The following C13orf42 variants were observed in gnomAD, a reference collection of about 807,000 sequenced individuals.
C13orf42 encodes the protein chromosome 13 open reading frame 42.
chr13:51,107,170 A>AG (rs1953366838), intron 1 of C13orf42, among the ~76,000 whole-genome samples: 1 of 152,166 alleles, frequency 6.6e-6, no homozygotes, highest in African/African-American at 2.4e-5. Context: ...GGCTGGGGTA[A>AG]CAGACCATTT....
chr13:51,138,992 G>A (rs977505460), intron 1 of C13orf42, among the ~76,000 whole-genome samples: 1 of 152,188 alleles, frequency 6.6e-6, no homozygotes, highest in Admixed American at 6.5e-5. Flanking sequence ...GACAAATACT[G>A]TATGATTTCC....
In C13orf42 at chr13:51,085,420, C is replaced by T. The variant is rs1312133804; in HGVS notation, c.702G>A (p.Val234=). The T allele has an allele frequency of 5.0e-6, 2 of 398,508 alleles. No homozygotes were observed. The highest frequency in any genetic ancestry group is 8.8e-6 in the Non-Finnish European group (2 of 226,088). The allele number at this position is 398,508 out of a possible 1,614,324, so 24.7% of individuals were successfully genotyped here. Reference sequence around the variant, plus strand: ...GCCTCTCGAGTCTCCTCTGAGTGCCCACGGTCCTGTGCTCGGTGCTCCTTC... The same window carrying T: ...GCCTCTCGAGTCTCCTCTGAGTGCCTACGGTCCTGTGCTCGGTGCTCCTTC... The part of the protein sequence containing the change: ...QFRRSTEHRT[V]GTQRRLERHP... Residue 234 remains valine, a synonymous_variant, in exon 3 of 4, where the codon GTG becomes GTA. Coordinates refer to ENST00000563710, the MANE Select transcript of C13orf42 (RefSeq NM_001351589.3).
chr13:51,086,482 G>A (rs539781619), intron 2 of C13orf42, among the ~76,000 whole-genome samples: 9 of 151,296 alleles, frequency 5.9e-5, no homozygotes, highest in African/African-American at 2.2e-4. Context: ...GAGAGTGTGT[G>A]TGTGTAAGAG....
At chr13:51,106,016 A>G (rs2137997005) in intron 1 of C13orf42, among the ~76,000 whole-genome samples, 1 of 152,308 alleles carries the variant, frequency 6.6e-6, no homozygotes, top group East Asian at 1.9e-4. Flanking sequence ...TGAAGTTCCG[A>G]TTGTAGCTGT....
intron 1 of C13orf42, among the ~76,000 whole-genome samples, chr13:51,138,874 T>C (rs555080102): frequency 7.2e-5 from 11 of 152,220 alleles, no homozygotes; most frequent in Non-Finnish European, 1.3e-4. Context: ...TGAATATATA[T>C]ACACATATAT....
intron 1 of C13orf42, among the ~76,000 whole-genome samples, chr13:51,171,377 A>T (rs1337107952): frequency 6.6e-6 from 1 of 152,140 alleles, no homozygotes; most frequent in African/African-American, 2.4e-5. Context: ...ACGTCCAGGC[A>T]TTCTTTTACA....
intron 1 of C13orf42, among the ~76,000 whole-genome samples, chr13:51,171,163 C>T (rs1478645640): frequency 6.6e-6 from 1 of 152,086 alleles, no homozygotes; most frequent in Non-Finnish European, 1.5e-5. Flanking sequence ...CCTCCCTTAG[C>T]CTGTGTTCTC....
chr13:51,160,976 AAC>A, intron 1 of C13orf42, among the ~76,000 whole-genome samples: 2 of 150,620 alleles, frequency 1.3e-5, no homozygotes, highest in Non-Finnish European at 3.0e-5. Context: ...AAAAAAAAAA[AAC>A]AAAAAACTGC....
chr13:51,171,854 A>C (rs1452870589), intron 1 of C13orf42: 1 of 152,160 alleles, frequency 6.6e-6, no homozygotes, highest in African/African-American at 2.4e-5. Context: ...TTACAGCCCT[A>C]GACCCTAAAA....
At chr13:51,107,782 C>G (rs976079757) in intron 1 of C13orf42, among the ~76,000 whole-genome samples, 2 of 152,222 alleles carry the variant, frequency 1.3e-5, no homozygotes, top group Non-Finnish European at 1.5e-5. Context: ...TTCAAGCTCA[C>G]CAAGTTCACT....
intron 1 of C13orf42, among the ~76,000 whole-genome samples, chr13:51,116,532 C>T (rs767428625): frequency 6.6e-6 from 1 of 152,196 alleles, no homozygotes; most frequent in Non-Finnish European, 1.5e-5. Context: ...TGCCTGGGTA[C>T]AGTGTACAAC....
chr13:51,153,833 C>A lies in C13orf42; in HGVS notation n.136+18420G>T, dbSNP rs1953804819. Reference sequence around the variant, plus strand: ...ATGTTTAGTAGAGAAAGGATTTCGCCATGTTGTCCAGGCGGGTCTCAGACT... The same window carrying A: ...ATGTTTAGTAGAGAAAGGATTTCGCAATGTTGTCCAGGCGGGTCTCAGACT... On this transcript the variant is annotated intron_variant and non_coding_transcript_variant, in intron 1 of 4. Transcript: ENST00000433280. 1.3e-5 allele frequency among the ~76,000 whole-genome samples: 2 copies of A among 151,850 alleles called. 1 individual carries two copies. The highest frequency in any genetic ancestry group is 2.9e-5 in the Non-Finnish European group (2 of 67,974).
intron 1 of C13orf42, among the ~76,000 whole-genome samples, chr13:51,092,513 A>AT (rs1185475296): frequency 1.3e-5 from 2 of 151,974 alleles, no homozygotes; most frequent in African/African-American, 4.8e-5. Flanking sequence ...ATAATTTATA[A>AT]TTTTTTTCAA....
chr13:51,108,541 G>C (rs1266856881), intron 1 of C13orf42, among the ~76,000 whole-genome samples: 1 of 152,188 alleles, frequency 6.6e-6, no homozygotes, highest in Non-Finnish European at 1.5e-5. Flanking sequence ...CAGAGCCATG[G>C]GGAAAGACAG....
chr13:51,137,571 T>C (rs1953666882), intron 1 of C13orf42, among the ~76,000 whole-genome samples: 1 of 152,164 alleles, frequency 6.6e-6, no homozygotes, highest in South Asian at 2.1e-4. Flanking sequence ...TCCCACTCTC[T>C]GGAGCCCCAG....
intron 1 of C13orf42, among the ~76,000 whole-genome samples, chr13:51,156,973 G>A (rs1282073934): frequency 6.6e-6 from 1 of 152,210 alleles, no homozygotes; most frequent in African/African-American, 2.4e-5. Context: ...CACTAGTGGT[G>A]CTTTTTCTAT....
At chr13:51,154,067 G>A (rs767537070) in intron 1 of C13orf42, among the ~76,000 whole-genome samples, 28 of 152,126 alleles carry the variant, frequency 1.8e-4, no homozygotes, top group Middle Eastern at 3.4e-3. Context: ...ACTCCGGTAC[G>A]TCACACAAGT....
chr13:51,085,453 G>A lies in C13orf42; in HGVS notation c.669C>T (p.Gly223=). Residue 223 remains glycine (G), a synonymous_variant, in exon 3 of 4, where the codon GGC becomes GGT. Transcript: ENST00000563710. ...TGTGCTCGGTGCTCCTTCGAAACTG[G>A]CCGTCTACAGTATGCACAGTGTGGG... ...IAAHTVHTVD[G]QFRRSTEHRT... is the part of the protein sequence containing the mutation. 2.5e-6 allele frequency: 1 copy of A among 398,604 alleles called. No homozygotes were observed. 24.7% of individuals were successfully genotyped at this position (398,604 alleles called of 1,614,324 possible).
chr13:51,142,743 T>A (rs1257388057), intron 1 of C13orf42, among the ~76,000 whole-genome samples: 3 of 151,576 alleles, frequency 2.0e-5, no homozygotes, highest in African/African-American at 7.3e-5. Flanking sequence ...GTAAAGAAAG[T>A]AATACAAATA....
Sources: allele counts gnomAD v4.1 joint callset (sites outside exome capture counted in the v4.1 genomes callset), GRCh38; gene constraint gnomAD v4.1.1; transcripts MANE v1.5; gene names NCBI Gene and HGNC (gene_info 2026-07-23, HGNC 2026-07-21).